Variants in ASTN2 observed in about 807,000 individuals in gnomAD.
ASTN2 encodes the protein astrotactin-2.
In ASTN2, 54 loss-of-function variants were observed where a neutral mutation model predicts 139.8. That is an observed-to-expected ratio of 0.39 (90% confidence interval 0.31 to 0.48). The LOEUF (loss-of-function observed/expected upper bound fraction) is 0.48, where lower values mean the gene tolerates loss of function less well. Ranked by LOEUF, ASTN2 falls within the 20% of genes least tolerant of loss-of-function variation. The pLI is 0.95. For synonymous variants in ASTN2, 756 were observed against 719.5 expected (o/e 1.05, Z -0.81); for missense variants, 1,565 against 1,725.1 (o/e 0.91, Z 1.64).
At chr9:117,177,411 T>C (rs753329445) in intron 3 of ASTN2, among the ~76,000 whole-genome samples, 1 of 152,114 alleles carries the variant, frequency 6.6e-6, no homozygotes, top group Non-Finnish European at 1.5e-5. Context: ...CACCGCCCGG[T>C]GTTAATGTCA....
At chr9:116,950,035 TTC>T (rs1286562940) in intron 10 of ASTN2, among the ~76,000 whole-genome samples, 2 of 152,180 alleles carry the variant, frequency 1.3e-5, no homozygotes, top group Non-Finnish European at 2.9e-5. Flanking sequence ...AGTTTGAATG[TTC>T]TCTTACAGAG....
intron 14 of ASTN2, among the ~76,000 whole-genome samples, chr9:116,731,719 C>T (rs1009382324): frequency 3.3e-5 from 5 of 152,162 alleles, no homozygotes; most frequent in Non-Finnish European, 4.4e-5. Context: ...CCACTGCGCC[C>T]GGCCCATACC....
chr9:116,961,846 G>T (rs111711050), intron 10 of ASTN2, among the ~76,000 whole-genome samples: 3,777 of 152,260 alleles, frequency 0.025, 168 homozygotes, highest in African/African-American at 0.087. Flanking sequence ...ATCAAAATCT[G>T]GGCTAAATAA....
chr9:116,482,663 G>A (rs6478238), intron 20 of ASTN2, among the ~76,000 whole-genome samples: 107,669 of 151,822 alleles, frequency 0.71, 39,898 homozygotes, highest in Admixed American at 0.81. Context: ...TCCCAACCTC[G>A]GGCTTTTTTT....
intron 6 of ASTN2, among the ~76,000 whole-genome samples, chr9:117,024,669 G>C (rs767902853): frequency 6.6e-6 from 1 of 152,104 alleles, no homozygotes; most frequent in Non-Finnish European, 1.5e-5. Context: ...CCTCTGCAAA[G>C]TCAGAGAATG....
chr9:116,898,022 G>T (rs987403410), intron 10 of ASTN2, among the ~76,000 whole-genome samples: 1 of 152,088 alleles, frequency 6.6e-6, no homozygotes, highest in Non-Finnish European at 1.5e-5. Flanking sequence ...TATGAAAGCA[G>T]AATTGATTCA....
chr9:117,245,164 T>C (rs1316572366), intron 2 of ASTN2, among the ~76,000 whole-genome samples: 1 of 152,164 alleles, frequency 6.6e-6, no homozygotes, highest in African/African-American at 2.4e-5. Flanking sequence ...GCTCTCTGTG[T>C]AATGGCAATG....
intron 19 of ASTN2, chr9:116,552,198 G>T (rs1422990563): frequency 6.6e-6 from 1 of 152,196 alleles, no homozygotes; most frequent in Non-Finnish European, 1.5e-5. Flanking sequence ...TGAAAGCACA[G>T]AGAGGTGAGT....
At chr9:117,294,124 G>C (rs945468087) in intron 1 of ASTN2, among the ~76,000 whole-genome samples, 1 of 152,230 alleles carries the variant, frequency 6.6e-6, no homozygotes, top group Non-Finnish European at 1.5e-5. Context: ...GTCTCAGAAG[G>C]TTAGTGACTT....
intron 19 of ASTN2, among the ~76,000 whole-genome samples, chr9:116,496,957 G>A (rs1300777390): frequency 1.3e-5 from 2 of 152,150 alleles, no homozygotes; most frequent in Admixed American, 6.5e-5. Flanking sequence ...TGGGGATTAT[G>A]GGAACTATAA....
chr9:116,553,219 C>T (rs568188258), intron 19 of ASTN2, among the ~76,000 whole-genome samples: 1 of 152,178 alleles, frequency 6.6e-6, no homozygotes, highest in South Asian at 2.1e-4. Context: ...AGAAAGTCTA[C>T]CTTTGACTCT....
chr9:116,602,762 C>G (rs183754447), intron 19 of ASTN2, among the ~76,000 whole-genome samples: 1 of 152,154 alleles, frequency 6.6e-6, no homozygotes, highest in Admixed American at 6.5e-5. Flanking sequence ...ATCCCTGTCT[C>G]TACCAAAAAT....
At chr9:116,903,291 AT>A (rs1367970185) in intron 10 of ASTN2, among the ~76,000 whole-genome samples, 1 of 152,008 alleles carries the variant, frequency 6.6e-6, no homozygotes, top group African/African-American at 2.4e-5. Flanking sequence ...TTATCATGCT[AT>A]TTTTTGTCTT....
chr9:116,625,348 A>T (rs1280031837), intron 17 of ASTN2, among the ~76,000 whole-genome samples: 2 of 152,074 alleles, frequency 1.3e-5, no homozygotes, highest in Non-Finnish European at 2.9e-5. Flanking sequence ...GAAGGAGAAT[A>T]GCTTGAACCC....
chr9:116,948,795 T>TTTG (rs1273409925), intron 10 of ASTN2, among the ~76,000 whole-genome samples: 2 of 117,938 alleles, frequency 1.7e-5, no homozygotes, highest in Non-Finnish European at 3.4e-5. Flanking sequence ...GTTTTTTTTT[T>TTTG]TTTTTTTTTT....
chr9:117,042,339 T>C (rs1838602576), intron 5 of ASTN2, among the ~76,000 whole-genome samples: 1 of 152,214 alleles, frequency 6.6e-6, no homozygotes, highest in South Asian at 2.1e-4. Context: ...TTTGTGTTTC[T>C]TATGCCAAAA....
intron 1 of ASTN2, among the ~76,000 whole-genome samples, chr9:117,401,490 G>T (rs1830825083): frequency 6.6e-6 from 1 of 152,158 alleles, no homozygotes; most frequent in South Asian, 2.1e-4. Context: ...CACTGAAAAA[G>T]AATGAGGATT....
chr9:117,174,005 A>G (rs1449062556), intron 3 of ASTN2, among the ~76,000 whole-genome samples: 2 of 151,812 alleles, frequency 1.3e-5, no homozygotes, highest in African/African-American at 4.8e-5. Context: ...TAAAATAGAT[A>G]TAATATAACA....
intron 2 of ASTN2, among the ~76,000 whole-genome samples, chr9:117,250,774 A>C (rs1029941766): frequency 6.6e-6 from 1 of 152,212 alleles, no homozygotes; most frequent in African/African-American, 2.4e-5. Context: ...CAGTGCTTCA[A>C]ATGGGGAAAC....
Sources: allele counts gnomAD v4.1 joint callset (sites outside exome capture counted in the v4.1 genomes callset), GRCh38; gene constraint gnomAD v4.1.1; transcripts MANE v1.5; gene names NCBI Gene and HGNC (gene_info 2026-07-23, HGNC 2026-07-21).